CDYL2: variants seen among roughly 807,000 people sequenced by gnomAD.
CDYL2 encodes the protein chromodomain Y like 2, also known as chromodomain Y-like protein 2.
Under a neutral mutation model 49.4 loss-of-function variants are expected in CDYL2, and 23 were observed. The observed-to-expected ratio is 0.47, with a 90% CI of 0.34 to 0.66. CDYL2 has a LOEUF of 0.66. Among genes scored for constraint, CDYL2 ranks in the 30% least tolerant of loss-of-function variants. The pLI is 0.01. For synonymous variants in CDYL2, 360 were observed against 268.8 expected (o/e 1.34, Z -3.32); for missense variants, 678 against 656.4 (o/e 1.03, Z -0.36).
intron 1 of CDYL2, among the ~76,000 whole-genome samples, chr16:80,777,460 G>C (rs761481742): frequency 5.9e-5 from 9 of 151,762 alleles, no homozygotes; most frequent in Non-Finnish European, 1.2e-4. Context: ...ATCTATTTAA[G>C]AGACAAGCTT....
Position 80,742,771 on chromosome 16 carries a change from T to C in CDYL2, c.25-57642A>G, listed in dbSNP as rs576371373. ...GTGGGTGGATGGATAGATGGATTGATGGATAGATGGGCAGATGGATGGACT... is the reference window on the plus strand; with the variant it reads ...GTGGGTGGATGGATAGATGGATTGACGGATAGATGGGCAGATGGATGGACT... On this transcript the variant is annotated intron_variant, in intron 1 of 6. Coordinates refer to ENST00000570137, the MANE Select transcript of CDYL2 (RefSeq NM_152342.4). Among the ~76,000 whole-genome samples the C allele has an allele frequency of 1.3e-4, 19 of 148,198 alleles. No homozygotes were observed. The East Asian group carries it at 3.9e-3, about 30-fold the overall frequency.
rs978395660 is a variant in CDYL2, at chr16:80,613,467, G to C, written c.1008-631C>G. 3.5e-4 allele frequency among the ~76,000 whole-genome samples: 54 copies of C among 152,164 alleles called. 1 individual carries two copies. The highest frequency in any genetic ancestry group is 7.2e-5 in the African/African-American group (3 of 41,442). ...ATCACACCTAGGATGGTCTGATTCT[G>C]AATTACCTGCAGGGATGCCAGACTC... On this transcript the variant is annotated intron_variant, in intron 4 of 6. Coordinates refer to ENST00000570137, the MANE Select transcript of CDYL2 (RefSeq NM_152342.4).
At chr16:80,646,358 A>G (rs1397960025) in intron 2 of CDYL2, among the ~76,000 whole-genome samples, 1 of 152,210 alleles carries the variant, frequency 6.6e-6, no homozygotes, top group African/African-American at 2.4e-5. Context: ...CAGGAATGAA[A>G]GAAAGAAGGA....
chr16:80,741,116 CA>C (rs1393868320), intron 1 of CDYL2, among the ~76,000 whole-genome samples: 1 of 149,886 alleles, frequency 6.7e-6, no homozygotes, highest in Non-Finnish European at 1.5e-5. Context: ...TAAGCATAGA[CA>C]AAAAACCAAA....
chr16:80,739,803 C>A (rs1905672536), intron 1 of CDYL2, among the ~76,000 whole-genome samples: 1 of 152,196 alleles, frequency 6.6e-6, no homozygotes, highest in Non-Finnish European at 1.5e-5. Context: ...ATCAGGGAAA[C>A]TCCCCAAAAA....
At chr16:80,761,772 A>G (rs1405901615) in intron 1 of CDYL2, among the ~76,000 whole-genome samples, 5 of 152,164 alleles carry the variant, frequency 3.3e-5, no homozygotes, top group African/African-American at 9.7e-5. Flanking sequence ...TGTTAATAAA[A>G]ATACAAAAGA....
At chr16:80,742,089 C>G (rs1038426241) in intron 1 of CDYL2, 3 of 152,202 alleles carry the variant, frequency 2.0e-5, no homozygotes, top group African/African-American at 7.2e-5. Flanking sequence ...GTAATCTCTA[C>G]TTTTACAGAT....
At chr16:80,624,659 C>T (rs1376749678) in intron 3 of CDYL2, among the ~76,000 whole-genome samples, 1 of 151,888 alleles carries the variant, frequency 6.6e-6, no homozygotes, top group African/African-American at 2.4e-5. Flanking sequence ...TCAAGTAATA[C>T]AAGGATCCAA....
chr16:80,721,435 A>G (rs1208914208), intron 1 of CDYL2, among the ~76,000 whole-genome samples: 1 of 152,196 alleles, frequency 6.6e-6, no homozygotes, highest in Non-Finnish European at 1.5e-5. Flanking sequence ...AGGTTTGGGC[A>G]GCAAAATAGT....
At position 80,603,448 on chromosome 16, in the gene CDYL2, T is replaced by C. The variant is rs1906185490; in HGVS notation, c.*940A>G. The C allele has an allele frequency of 6.6e-6, 1 of 152,186 alleles. No individual in the cohort carries two copies. The highest frequency in any genetic ancestry group is 1.9e-4 in the East Asian group (1 of 5,200). The allele number at this position is 152,186 out of a possible 1,614,324, so 9.4% of individuals were successfully genotyped here. The stretch of plus-strand genomic sequence containing the variant: ...TAAGGACAAACCTAAGGAACTAGTA[T>C]TCTATTATTACAGCTGAGAACCGTT... On this transcript the variant is annotated 3_prime_UTR_variant, in exon 7 of 7. Transcript: ENST00000570137.
intron 2 of CDYL2, among the ~76,000 whole-genome samples, chr16:80,658,592 T>G (rs1487415383): frequency 2.0e-5 from 3 of 152,170 alleles, no homozygotes; most frequent in Non-Finnish European, 2.9e-5. Flanking sequence ...GACATACAAA[T>G]ATGGGATGCA....
At chr16:80,796,328 A>G (rs568082859) in intron 1 of CDYL2, among the ~76,000 whole-genome samples, 2 of 152,300 alleles carry the variant, frequency 1.3e-5, no homozygotes, top group Admixed American at 6.5e-5. Flanking sequence ...AATCAAATCT[A>G]CAAAAGACCT....
chr16:80,751,584 G>A (rs924445929), intron 1 of CDYL2, among the ~76,000 whole-genome samples: 1 of 152,342 alleles, frequency 6.6e-6, no homozygotes, highest in Non-Finnish European at 1.5e-5. Flanking sequence ...AAGAGAAACA[G>A]AGAACTAAGA....
chr16:80,759,204 T>A (rs1240474017), intron 1 of CDYL2, among the ~76,000 whole-genome samples: 1 of 145,918 alleles, frequency 6.9e-6, no homozygotes, highest in Non-Finnish European at 1.5e-5. Context: ...TAATTTGATA[T>A]GTTAATCTAC....
At chr16:80,680,936 C>T (rs1268045123) in intron 2 of CDYL2, among the ~76,000 whole-genome samples, 2 of 152,040 alleles carry the variant, frequency 1.3e-5, no homozygotes, top group South Asian at 2.1e-4. Context: ...GGGCCCCGGA[C>T]CACAAAGCCA....
chr16:80,742,675 TG>T (rs1905785442), intron 1 of CDYL2, among the ~76,000 whole-genome samples: 1 of 138,050 alleles, frequency 7.2e-6, no homozygotes, highest in South Asian at 2.3e-4. Flanking sequence ...GTAGAAAGGG[TG>T]GATGAATGGG....
chr16:80,760,633 A>G (rs1446576842), intron 1 of CDYL2, among the ~76,000 whole-genome samples: 2 of 152,160 alleles, frequency 1.3e-5, no homozygotes, highest in Non-Finnish European at 2.9e-5. Context: ...CACAAAAATT[A>G]AAAATTTAAA....
intron 1 of CDYL2, among the ~76,000 whole-genome samples, chr16:80,696,096 A>G (rs1434428319): frequency 6.6e-6 from 1 of 152,206 alleles, no homozygotes; most frequent in Non-Finnish European, 1.5e-5. Context: ...AACAAGAAAA[A>G]CCTTGAAACT....
intron 2 of CDYL2, among the ~76,000 whole-genome samples, chr16:80,642,856 C>A (rs1022476520): frequency 1.3e-5 from 2 of 152,268 alleles, no homozygotes; most frequent in African/African-American, 2.4e-5. Context: ...TATGGGAGTA[C>A]AATTCAAGAT....
Sources: allele counts gnomAD v4.1 joint callset (sites outside exome capture counted in the v4.1 genomes callset), GRCh38; gene constraint gnomAD v4.1.1; transcripts MANE v1.5; gene names NCBI Gene and HGNC (gene_info 2026-07-23, HGNC 2026-07-21).